SLC17A9: variants seen among roughly 807,000 people sequenced by gnomAD.
SLC17A9 encodes voltage-gated purine nucleotide uniporter SLC17A9.
SLC17A9 carries 49 observed loss-of-function variants against 55.0 expected under a neutral mutation model. That is an observed-to-expected ratio of 0.89 (90% confidence interval 0.71 to 1.13). The LOEUF is 1.13. Among genes scored for constraint, SLC17A9 ranks in the 50% most tolerant of loss-of-function variants. The pLI is 0.00. For synonymous variants in SLC17A9, 256 were observed against 247.4 expected (o/e 1.03, Z -0.32); for missense variants, 526 against 569.3 (o/e 0.92, Z 0.77).
intron 10 of SLC17A9, among the ~76,000 whole-genome samples, chr20:62,966,093 C>G (rs1400213707): frequency 1.7e-4 from 17 of 100,328 alleles, no homozygotes; most frequent in Non-Finnish European, 1.2e-4. Context: ...GCGTGGTGTG[C>G]AGGGCTGCAG....
At chr20:62,963,807 C>T in intron 7 of SLC17A9, 127 bp downstream of exon 7, 1 of 848,678 alleles carries the variant, frequency 1.2e-6, no homozygotes. Flanking sequence ...TCTGAGGGTC[C>T]TGGCACTGCC....
intron 7 of SLC17A9, 23 bp downstream of exon 7, chr20:62,963,703 G>A: frequency 6.4e-7 from 1 of 1,559,326 alleles, no homozygotes; most frequent in Non-Finnish European, 8.7e-7. Flanking sequence ...CTCCCGCAGG[G>A]TGAAGGAGCG....
Position 62,962,748 on chromosome 20 carries a change from GA to G in SLC17A9, c.627del (p.Asp210IlefsTer180). 2.5e-6 allele frequency: 4 copies of G among 1,613,744 alleles called. No homozygotes were observed. Among genetic ancestry groups the G allele is most frequent in the South Asian group, 1.1e-5 (1 of 91,032 alleles). On this transcript the variant is annotated frameshift_variant, in exon 5 of 13. Transcript: ENST00000370351. LOFTEE classifies it high-confidence loss of function. This position sits in a 1 kb window ranked among gnomAD's most constrained non-coding sequence, Gnocchi z 5.5. ...GTACGTGTACAGGTACCTGCTGAGT[GA>G]AAAAGGTAACGCAGGCCGGGCGGGC... ...VWYVYRYLLS[E>X]KDLILALGVL...
intron 9 of SLC17A9, 124 bp downstream of exon 9, chr20:62,965,290 A>G: frequency 3.1e-6 from 4 of 1,300,908 alleles, no homozygotes; most frequent in East Asian, 2.4e-5. Flanking sequence ...AGGCCTCTCC[A>G]TGTGTCCAGC....
chr20:62,957,475 T>G lies in SLC17A9; in HGVS notation c.292T>G (p.Ser98Ala). The G allele has an allele frequency of 6.2e-7, 1 of 1,607,984 alleles. No individual in the cohort carries two copies. The highest frequency in any genetic ancestry group is 1.1e-5 in the South Asian group (1 of 90,288). Residue 98 changes from serine (S) to alanine (A), a missense_variant, in exon 3 of 13, where the codon TCT (serine) becomes GCT (alanine). Transcript: ENST00000370351. ...GGEKVILLSA[S>A]AWGSITAVTP... ...TGAGAAGGTCATCCTGCTGTCAGCC[T>G]CTGCCTGGGGCTCCATCACGGCCGT... is the stretch of plus-strand genomic sequence containing the variant.
Position 62,962,868 on chromosome 20 carries a change from C to T in SLC17A9, c.628+114C>T, listed in dbSNP as rs2065601148. 1 of 1,459,378 alleles carries T rather than the reference C, an allele frequency of 6.9e-7. No individual in the cohort carries two copies. Among genetic ancestry groups the T allele is most frequent in the South Asian group, 1.3e-5 (1 of 76,072 alleles). 90.4% of individuals were successfully genotyped at this position (1,459,378 alleles called of 1,614,324 possible). On this transcript the variant is annotated intron_variant, in intron 5 of 12. Coordinates refer to ENST00000370351, the MANE Select transcript of SLC17A9 (RefSeq NM_022082.4). This position sits in a 1 kb window ranked among gnomAD's most constrained non-coding sequence, Gnocchi z 5.5. Reference sequence around the variant, plus strand: ...GGAGCCCGGAGACGATGGCTTTGACCTCCCAAAGAATCCGCCAGTGAGGAA... The same window carrying T: ...GGAGCCCGGAGACGATGGCTTTGACTTCCCAAAGAATCCGCCAGTGAGGAA...
intron 4 of SLC17A9, 126 bp downstream of exon 4, chr20:62,960,729 G>A (rs970052844): frequency 1.2e-5 from 11 of 882,608 alleles, no homozygotes; most frequent in African/African-American, 8.4e-5. Flanking sequence ...GGTGGGTCCC[G>A]CAGGCGCCTT....
Position 62,965,660 on chromosome 20 carries a change from C to A in SLC17A9, c.996C>A (p.Thr332=), listed in dbSNP as rs2065630681. 1.2e-6 allele frequency: 2 copies of A among 1,613,878 alleles called. No homozygotes were observed. Among genetic ancestry groups the A allele is most frequent in the Non-Finnish European group, 1.7e-6 (2 of 1,180,042 alleles). ...SSVFALCLGH[T]SSFCESVVFA... is the part of the protein sequence containing the mutation. The stretch of plus-strand genomic sequence containing the variant: ...TCTTTGCTCTGTGCCTGGGCCACAC[C>A]TCCAGCTTCTGTGAGTCTGTGGTCT... The change falls in exon 10 of 13, where the codon ACC becomes ACA. Residue 332 remains threonine (T), a synonymous_variant. Coordinates refer to ENST00000370351, the MANE Select transcript of SLC17A9 (RefSeq NM_022082.4).
At position 62,965,662 on chromosome 20, in the gene SLC17A9, C is replaced by T. The variant is rs767367242; in HGVS notation, c.998C>T (p.Ser333Phe). 1 of 1,614,012 alleles carries T rather than the reference C, an allele frequency of 6.2e-7. No individual in the cohort carries two copies. The highest frequency in any genetic ancestry group is 8.5e-7 in the Non-Finnish European group (1 of 1,180,034). The change falls in exon 10 of 13, where the codon TCC (serine) becomes TTC (phenylalanine). Residue 333 changes from serine to phenylalanine, a missense_variant. Transcript: ENST00000370351. ...TTTGCTCTGTGCCTGGGCCACACCT[C>T]CAGCTTCTGTGAGTCTGTGGTCTTT... The part of the protein sequence containing the change: ...SVFALCLGHT[S>F]SFCESVVFAS...
chr20:62,964,242 C>G lies in SLC17A9; in HGVS notation c.837C>G (p.Asn279Lys). 6.2e-7 allele frequency: 1 copy of G among 1,614,192 alleles called. No individual in the cohort carries two copies. The highest frequency in any genetic ancestry group is 8.5e-7 in the Non-Finnish European group (1 of 1,180,016). The change falls in exon 8 of 13, where the codon AAC becomes AAG. Residue 279 changes from asparagine to lysine, a missense_variant. Transcript: ENST00000370351. ...TFPDAKGWIF[N>K]VVPWLVAIPA... ...CCCCCCTGCAGGGCTGGATCTTCAACGTGGTTCCTTGGTTGGTGGCGATTC... is the reference window on the plus strand; with the variant it reads ...CCCCCCTGCAGGGCTGGATCTTCAAGGTGGTTCCTTGGTTGGTGGCGATTC...
chr20:62,966,489 G>T, intron 10 of SLC17A9, 36 bp from the exon 11 acceptor site: 2 of 1,610,410 alleles, frequency 1.2e-6, no homozygotes, highest in Non-Finnish European at 8.5e-7. Flanking sequence ...CTCGGTGGTG[G>T]CCAGGGCCAC....
intron 12 of SLC17A9, chr20:62,966,979 GCCCAGGGTC>G: frequency 1.7e-6 from 1 of 588,762 alleles, no homozygotes; most frequent in Non-Finnish European, 2.9e-6. Flanking sequence ...CATCCTGGTA[GCCCAGGGTC>G]CCCGGGACAC....
chr20:62,963,512 C>T, intron 6 of SLC17A9, 72 bp from the exon 7 acceptor site: 2 of 1,535,076 alleles, frequency 1.3e-6, no homozygotes, highest in African/African-American at 1.4e-5. Flanking sequence ...GGGGACGCCT[C>T]TCGGGGTGGG....
Position 62,968,625 on chromosome 20 carries a change from T to G in SLC17A9, c.*1125T>G, listed in dbSNP as rs1003787095. The G allele has an allele frequency of 3.3e-5, 5 of 151,800 alleles. No individual in the cohort carries two copies. The highest frequency in any genetic ancestry group is 7.4e-5 in the Non-Finnish European group (5 of 67,966). 9.4% of individuals were successfully genotyped at this position (151,800 alleles called of 1,614,324 possible). ...CTGTTATTTTATTTAACACCTTTGT[T>G]TTTTAAGAATGAACACGTGTTAAAG... On this transcript the variant is annotated 3_prime_UTR_variant, in exon 13 of 13. Transcript: ENST00000370351.
intron 9 of SLC17A9, 86 bp from the exon 10 acceptor site, chr20:62,965,524 G>A (rs945913838): frequency 5.4e-6 from 7 of 1,290,024 alleles, no homozygotes; most frequent in South Asian, 1.2e-5. Flanking sequence ...GGTGCGCCCA[G>A]GGGGGCTTTC....
At chr20:62,960,370 T>G in intron 3 of SLC17A9, 134 bp from the exon 4 acceptor site, 2 of 774,036 alleles carry the variant, frequency 2.6e-6, no homozygotes, top group Non-Finnish European at 4.2e-6. Flanking sequence ...CCTGCCCTGC[T>G]GGTCCCTCGG....
In SLC17A9 at chr20:62,967,356, A is replaced by G. The variant is rs201398484; in HGVS notation, c.1167A>G (p.Leu389=). The G allele has an allele frequency of 4.0e-5, 64 of 1,614,018 alleles. No individual in the cohort carries two copies. In the African/African-American group the frequency reaches 6.4e-4, roughly 16 times the overall value. ...GALAGVVGVC[L]GGYLMETTGS... ...GGGCAGGTGTCGTGGGTGTGTGTCTAGGCGGCTACTTGATGGAGACCACGG... is the reference window on the plus strand; with the variant it reads ...GGGCAGGTGTCGTGGGTGTGTGTCTGGGCGGCTACTTGATGGAGACCACGG... The change falls in exon 13 of 13, where the codon CTA becomes CTG. Residue 389 remains leucine (L), a synonymous_variant. Transcript: ENST00000370351.
intron 12 of SLC17A9, 49 bp from the exon 13 acceptor site, chr20:62,967,288 G>A (rs1884218455): frequency 6.2e-7 from 1 of 1,607,560 alleles, no homozygotes; most frequent in Non-Finnish European, 8.5e-7. Context: ...GGGGTGTGGG[G>A]CCTGGGCTGC....
At chr20:62,960,645 G>A in intron 4 of SLC17A9, 42 bp downstream of exon 4, 2 of 1,572,444 alleles carry the variant, frequency 1.3e-6, no homozygotes, top group Non-Finnish European at 1.7e-6. Context: ...AGGCCACCAG[G>A]TGAGCCCCTT....
Sources: gnomAD v4.1 joint callset for allele counts (sites outside exome capture counted in the v4.1 genomes callset) on GRCh38, gnomAD v4.1.1 for gene constraint, Gnocchi (gnomAD v3.1) non-coding constraint, MANE v1.5 for transcripts, NCBI Gene and HGNC (gene_info 2026-07-23, HGNC 2026-07-21) for gene names.